Variants in PRKCB observed in about 807,000 individuals in gnomAD.
PRKCB encodes the protein protein kinase C beta.
Under a neutral mutation model 81.5 loss-of-function variants are expected in PRKCB, and 13 were observed. The ratio of observed to expected loss-of-function variants is 0.16; its 90% CI spans 0.10 to 0.25. PRKCB has a LOEUF of 0.25. Ranked by LOEUF, PRKCB falls within the 10% of genes least tolerant of loss-of-function variation. The pLI, the probability that PRKCB is intolerant of heterozygous loss-of-function variation, is 1.00. For missense variants in PRKCB, 509 were observed against 875.7 expected (o/e 0.58, Z 5.29); for synonymous variants, 335 against 321.4 (o/e 1.04, Z -0.45).
At chr16:23,967,062 T>G (rs2141797542) in intron 2 of PRKCB, among the ~76,000 whole-genome samples, 1 of 151,722 alleles carries the variant, frequency 6.6e-6, no homozygotes, top group Admixed American at 6.6e-5. Context: ...CAAGAGCCAG[T>G]TTGCAGCCCC....
intron 2 of PRKCB, among the ~76,000 whole-genome samples, chr16:23,952,422 T>C (rs1183185782): frequency 2.0e-5 from 3 of 152,222 alleles, no homozygotes; most frequent in East Asian, 1.9e-4. Flanking sequence ...AAAAAATCTC[T>C]CAGAGGACCT....
At chr16:24,172,437 T>C (rs1273045060) in intron 11 of PRKCB, 76 bp downstream of exon 11, 22 of 1,287,690 alleles carry the variant, frequency 1.7e-5, no homozygotes, top group Non-Finnish European at 2.4e-5. Context: ...GGTGTTTTTT[T>C]GCCAAAGAGG....
In PRKCB at chr16:23,882,021, T is replaced by TCTCTTTCTTTCTTTCTTTCTTTCTTC. The variant is rs1555481693; in HGVS notation, c.205+44617_205+44618insCTTTCTTTCTTTCTTTCTTTCTTCCT. ...TTCTTTCTTTCTTTCTTTCTTTCTTTCTTCCTTCCTTCCTTCCTTCCTTCC... is the reference window on the plus strand; with the variant it reads ...TTCTTTCTTTCTTTCTTTCTTTCTTTCTCTTTCTTTCTTTCTTTCTTTCTTCCTTCCTTCCTTCCTTCCTTCCTTCC... On this transcript the variant is annotated intron_variant, in intron 2 of 16. Coordinates refer to ENST00000643927, the MANE Select transcript of PRKCB (RefSeq NM_002738.7). Among the ~76,000 whole-genome samples the TCTCTTTCTTTCTTTCTTTCTTTCTTC allele has an allele frequency of 1.1e-4, 6 of 55,636 alleles. 1 individual carries two copies. The highest frequency in any genetic ancestry group is 3.5e-4 in the African/African-American group (6 of 16,912). 36.5% of individuals were successfully genotyped at this position (55,636 alleles called of 152,430 possible).
In PRKCB at chr16:24,219,118, T is replaced by A. The variant is rs1369056467; in HGVS notation, c.*4302T>A. ...CAGATTCCTTTATTAGCCCACATTC[T>A]GATGTTCCCTGGTGAGACTTGCCCC... On this transcript the variant is annotated 3_prime_UTR_variant, in exon 17 of 17. Coordinates refer to ENST00000643927, the MANE Select transcript of PRKCB (RefSeq NM_002738.7). The A allele has an allele frequency of 1.0e-6, 1 of 985,338 alleles. No homozygotes were observed. Among genetic ancestry groups the A allele is most frequent in the East Asian group, 1.1e-4 (1 of 8,824 alleles). The allele number at this position is 985,338 out of a possible 1,614,324, so 61.0% of individuals were successfully genotyped here.
intron 3 of PRKCB, among the ~76,000 whole-genome samples, chr16:24,001,260 C>T (rs1965030985): frequency 6.6e-6 from 1 of 152,122 alleles, no homozygotes; most frequent in African/African-American, 2.4e-5. Flanking sequence ...TTTTTCAACA[C>T]TTTATGGCTT....
At chr16:23,988,916 G>C (rs1054999640) in intron 3 of PRKCB, among the ~76,000 whole-genome samples, 1 of 152,056 alleles carries the variant, frequency 6.6e-6, no homozygotes. Flanking sequence ...TGCAGTGCAC[G>C]TTATGGCACT....
chr16:24,063,167 C>G (rs1003889312), intron 5 of PRKCB, among the ~76,000 whole-genome samples: 3 of 152,076 alleles, frequency 2.0e-5, no homozygotes, highest in Non-Finnish European at 4.4e-5. Context: ...TGCTGCTACT[C>G]TCTGGATGTC....
chr16:23,958,165 T>G (rs1476269448), intron 2 of PRKCB, among the ~76,000 whole-genome samples: 2 of 151,290 alleles, frequency 1.3e-5, no homozygotes, highest in African/African-American at 4.9e-5. Context: ...CTAATTTTTG[T>G]ATTTTTAGTA....
intron 5 of PRKCB, among the ~76,000 whole-genome samples, chr16:24,090,526 G>T (rs1293773481): frequency 6.6e-6 from 1 of 152,120 alleles, no homozygotes; most frequent in Non-Finnish European, 1.5e-5. Flanking sequence ...AGAAAGAGGG[G>T]CAAGGGAGTT....
rs1555481693 is a variant in PRKCB, at chr16:23,882,021, T to TCTCTTTCTTTCTTTCTTCCTTC, written c.205+44617_205+44618insCTTTCTTTCTTTCTTCCTTCCT. On this transcript the variant is annotated intron_variant, in intron 2 of 16. Coordinates refer to ENST00000643927, the MANE Select transcript of PRKCB (RefSeq NM_002738.7). The stretch of plus-strand genomic sequence containing the variant: ...TTCTTTCTTTCTTTCTTTCTTTCTT[T>TCTCTTTCTTTCTTTCTTCCTTC]CTTCCTTCCTTCCTTCCTTCCTTCC... Among the ~76,000 whole-genome samples the TCTCTTTCTTTCTTTCTTCCTTC allele has an allele frequency of 2.7e-4, 15 of 55,584 alleles. 1 individual carries two copies. The highest frequency in any genetic ancestry group is 1.1e-3 in the Admixed American group (5 of 4,550). 36.5% of individuals were successfully genotyped at this position (55,584 alleles called of 152,430 possible).
Position 23,863,220 on chromosome 16 carries a change from A to AAATGTATGTG in PRKCB, c.205+25814_205+25815insAATGTATGTG, listed in dbSNP as rs1567293434. On this transcript the variant is annotated intron_variant, in intron 2 of 16. Transcript: ENST00000643927. ...CGTATATATGTGTATATATACATAC[A>AAATGTATGTG]TATATATGTGTATATATATACATAT... 1.1e-3 allele frequency among the ~76,000 whole-genome samples: 63 copies of AAATGTATGTG among 54,874 alleles called. No homozygotes were observed. In the East Asian group the frequency reaches 0.017, roughly 15 times the overall value. 36.0% of individuals were successfully genotyped at this position (54,874 alleles called of 152,430 possible).
intron 2 of PRKCB, among the ~76,000 whole-genome samples, chr16:23,984,750 T>C (rs1378123279): frequency 6.6e-6 from 1 of 152,038 alleles, no homozygotes; most frequent in Non-Finnish European, 1.5e-5. Flanking sequence ...CCAAGGAAAA[T>C]ATAAATTCCA....
chr16:24,110,128 A>AGCGTG (rs1966654984), intron 7 of PRKCB, among the ~76,000 whole-genome samples: 1 of 81,682 alleles, frequency 1.2e-5, no homozygotes, highest in African/African-American at 8.8e-5. Flanking sequence ...GGAGAGGGAG[A>AGCGTG]GGGAGAGGGA....
At chr16:24,202,991 C>A (rs1967983401) in intron 16 of PRKCB, 1 of 152,112 alleles carries the variant, frequency 6.6e-6, no homozygotes. Context: ...TTAACATGGG[C>A]AGATCACTTG....
At chr16:23,883,885 T>C (rs1232003952) in intron 2 of PRKCB, among the ~76,000 whole-genome samples, 1 of 152,220 alleles carries the variant, frequency 6.6e-6, no homozygotes, top group African/African-American at 2.4e-5. Flanking sequence ...TAATTTAAAA[T>C]GTTCTTAGCA....
In PRKCB at chr16:24,218,457, T is replaced by A; in HGVS notation, c.*3641T>A. 1.0e-6 allele frequency: 1 copy of A among 985,420 alleles called. No homozygotes were observed. The highest frequency in any genetic ancestry group is 1.2e-6 in the Non-Finnish European group (1 of 829,968). The allele number at this position is 985,420 out of a possible 1,614,324, so 61.0% of individuals were successfully genotyped here. The stretch of plus-strand genomic sequence containing the variant: ...AAACAGCTCCATCAGCATCTTAGCC[T>A]GCCCCACTCTAGCCACACATACCCA... On this transcript the variant is annotated 3_prime_UTR_variant, in exon 17 of 17. Coordinates refer to ENST00000643927, the MANE Select transcript of PRKCB (RefSeq NM_002738.7).
chr16:24,023,996 A>G (rs1342854465), intron 3 of PRKCB, among the ~76,000 whole-genome samples: 2 of 152,316 alleles, frequency 1.3e-5, no homozygotes, highest in East Asian at 1.9e-4. Flanking sequence ...AGCACAAAGG[A>G]CAAATTTTAG....
At chr16:24,156,945 G>A (rs1967170328) in intron 10 of PRKCB, among the ~76,000 whole-genome samples, 1 of 152,202 alleles carries the variant, frequency 6.6e-6, no homozygotes, top group African/African-American at 2.4e-5. Context: ...AGCAGCAGCA[G>A]TTTTCCATTT....
chr16:24,106,799 A>G (rs1966584090), intron 7 of PRKCB, among the ~76,000 whole-genome samples: 1 of 152,142 alleles, frequency 6.6e-6, no homozygotes, highest in African/African-American at 2.4e-5. Context: ...TCATTTGCAT[A>G]TTGCCATTTG....
Sources: allele counts gnomAD v4.1 joint callset (sites outside exome capture counted in the v4.1 genomes callset), GRCh38; gene constraint gnomAD v4.1.1; transcripts MANE v1.5; gene names NCBI Gene and HGNC (gene_info 2026-07-23, HGNC 2026-07-21).